SLC14A2: variants seen among roughly 807,000 people sequenced by gnomAD.
SLC14A2 encodes the protein solute carrier family 14 member 2.
A neutral mutation model predicts 104.6 loss-of-function variants in SLC14A2; 91 were observed. The observed-to-expected ratio is 0.87, with a 90% CI of 0.73 to 1.04. The LOEUF (loss-of-function observed/expected upper bound fraction) is 1.04. Ranked by LOEUF, SLC14A2 falls within the 50% of genes least tolerant of loss-of-function variation. The pLI, the probability that SLC14A2 is intolerant of heterozygous loss-of-function variation, is 0.00. For synonymous variants in SLC14A2, 476 were observed against 466.4 expected (o/e 1.02, Z -0.27); for missense variants, 1,189 against 1,156.0 (o/e 1.03, Z -0.41).
At chr18:45,248,689 A>G (rs2144069508) in intron 1 of SLC14A2, among the ~76,000 whole-genome samples, 1 of 152,322 alleles carries the variant, frequency 6.6e-6, no homozygotes, top group East Asian at 1.9e-4. Context: ...TGACAGCCAC[A>G]AGTTCCACCC....
chr18:45,179,403 T>C, the SLC14A2 span, among the ~76,000 whole-genome samples: 2 of 152,224 alleles, frequency 1.3e-5, no homozygotes, highest in African/African-American at 4.8e-5. Context: ...TCCTTTGCCA[T>C]AGGAACATGC....
At chr18:45,319,581 T>C (rs527977918) in intron 1 of SLC14A2, among the ~76,000 whole-genome samples, 3 of 152,358 alleles carry the variant, frequency 2.0e-5, no homozygotes, top group Admixed American at 2.0e-4. Flanking sequence ...GTCTAGCCTC[T>C]AGGAGGCATT....
intron 2 of SLC14A2, among the ~76,000 whole-genome samples, chr18:45,509,133 A>G (rs920906747): frequency 6.6e-6 from 1 of 152,092 alleles, no homozygotes; most frequent in South Asian, 2.1e-4. Flanking sequence ...TGAAGACTCT[A>G]TGTGTCCCTT....
chr18:45,402,508 A>C (rs946280462), intron 1 of SLC14A2, among the ~76,000 whole-genome samples: 1 of 152,206 alleles, frequency 6.6e-6, no homozygotes, highest in Non-Finnish European at 1.5e-5. Flanking sequence ...GTTTATTGCA[A>C]GTGGGCCACT....
intron 2 of SLC14A2, among the ~76,000 whole-genome samples, chr18:45,519,951 T>C (rs2043494006): frequency 6.6e-6 from 1 of 152,186 alleles, no homozygotes; most frequent in Non-Finnish European, 1.5e-5. Context: ...ACTCTGGGTG[T>C]TAGCAGGCCC....
chr18:45,559,605 G>A (rs775449589), intron 2 of SLC14A2, among the ~76,000 whole-genome samples: 9 of 152,264 alleles, frequency 5.9e-5, no homozygotes, highest in Non-Finnish European at 8.8e-5. Flanking sequence ...AAGCCCTGTG[G>A]TATAAAATCC....
intron 1 of SLC14A2, among the ~76,000 whole-genome samples, chr18:45,418,614 C>T (rs2144512264): frequency 6.6e-6 from 1 of 152,242 alleles, no homozygotes; most frequent in South Asian, 2.1e-4. Context: ...GCTTGGTTAC[C>T]AGGGGTCTTG....
At chr18:45,622,441 C>A (rs575996321) in intron 1 of SLC14A2, among the ~76,000 whole-genome samples, 4 of 152,154 alleles carry the variant, frequency 2.6e-5, no homozygotes, top group Admixed American at 6.5e-5. Context: ...AATTAAGGCA[C>A]TTGGAACGTC....
At chr18:45,593,788 C>A (rs1053602955) in intron 2 of SLC14A2, among the ~76,000 whole-genome samples, 4 of 152,136 alleles carry the variant, frequency 2.6e-5, no homozygotes, top group African/African-American at 4.8e-5. Context: ...CGCGCCCTGC[C>A]GCATTTCCTT....
At chr18:45,318,895 T>G (rs2085157783) in intron 1 of SLC14A2, among the ~76,000 whole-genome samples, 2 of 152,042 alleles carry the variant, frequency 1.3e-5, no homozygotes, top group African/African-American at 4.8e-5. Context: ...AAAGGCCAAA[T>G]GCGCCACCAG....
At chr18:45,658,650 G>A (rs2144608719) in intron 10 of SLC14A2, among the ~76,000 whole-genome samples, 1 of 151,728 alleles carries the variant, frequency 6.6e-6, no homozygotes, top group East Asian at 1.9e-4. Flanking sequence ...GGTAAAGGTT[G>A]ATATTCAGAA....
rs147880205 is a variant in SLC14A2, at chr18:45,396,196, G to A, written c.-124-87037G>A. On this transcript the variant is annotated intron_variant, in intron 1 of 20. Transcript: ENST00000586448. Reference sequence around the variant, plus strand: ...GTTTATCCTGATTAAAATGCATATTGTTTATTCTTCATCTTTGTCATATAC... The same window carrying A: ...GTTTATCCTGATTAAAATGCATATTATTTATTCTTCATCTTTGTCATATAC... 4.6e-5 allele frequency among the ~76,000 whole-genome samples: 7 copies of A among 152,094 alleles called. No homozygotes were observed. In the East Asian group the frequency reaches 1.4e-3, roughly 29 times the overall value.
the SLC14A2 span, among the ~76,000 whole-genome samples, chr18:45,192,149 T>C: frequency 1.3e-5 from 2 of 152,206 alleles, no homozygotes; most frequent in East Asian, 3.9e-4. Flanking sequence ...GATTCTAAAA[T>C]AGTGAAATTT....
At chr18:45,303,694 C>A (rs141947338) in intron 1 of SLC14A2, among the ~76,000 whole-genome samples, 2 of 152,336 alleles carry the variant, frequency 1.3e-5, no homozygotes, top group African/African-American at 2.4e-5. Flanking sequence ...TACAGAAACA[C>A]CTTGGCAAAT....
At chr18:45,170,991 C>T in the SLC14A2 span, among the ~76,000 whole-genome samples, 1 of 151,154 alleles carries the variant, frequency 6.6e-6, no homozygotes, top group Non-Finnish European at 1.5e-5. Flanking sequence ...GACACAGACA[C>T]TCAAAATGAT....
chr18:45,243,385 T>TAAG (rs2084337058), intron 1 of SLC14A2, among the ~76,000 whole-genome samples: 1 of 152,146 alleles, frequency 6.6e-6, no homozygotes, highest in South Asian at 2.1e-4. Context: ...TTGTAGAAGT[T>TAAG]AAGAGACTGG....
At chr18:45,557,957 T>A (rs183167216) in intron 2 of SLC14A2, among the ~76,000 whole-genome samples, 1 of 152,242 alleles carries the variant, frequency 6.6e-6, no homozygotes, top group Non-Finnish European at 1.5e-5. Flanking sequence ...TTTCCATAAG[T>A]GACACACCCA....
intron 2 of SLC14A2, among the ~76,000 whole-genome samples, chr18:45,500,749 T>C (rs577676187): frequency 1.8e-4 from 28 of 152,230 alleles, no homozygotes; most frequent in African/African-American, 6.5e-4. Flanking sequence ...ACTCAGAATA[T>C]AAAGGTCAGG....
intron 1 of SLC14A2, among the ~76,000 whole-genome samples, chr18:45,391,625 G>T (rs948047236): frequency 1.3e-5 from 2 of 152,112 alleles, no homozygotes; most frequent in Non-Finnish European, 2.9e-5. Context: ...ATTCTAACTG[G>T]TGTGAGATGG....
Sources: allele counts gnomAD v4.1 joint callset (sites outside exome capture counted in the v4.1 genomes callset), GRCh38; gene constraint gnomAD v4.1.1; transcripts MANE v1.5; gene names NCBI Gene and HGNC (gene_info 2026-07-23, HGNC 2026-07-21).